MACROD2: variants seen among roughly 807,000 people sequenced by gnomAD.
MACROD2 encodes the protein mono-ADP ribosylhydrolase 2, also known as ADP-ribose glycohydrolase MACROD2.
A neutral mutation model predicts 70.4 loss-of-function variants in MACROD2; 36 were observed. That is an observed-to-expected ratio of 0.51 (90% CI 0.39 to 0.68). The LOEUF is 0.68. Among genes scored for constraint, MACROD2 ranks in the 30% least tolerant of loss-of-function variants. MACROD2 has a pLI of 0.00. For missense variants in MACROD2, 496 were observed against 538.4 expected, an observed-to-expected ratio of 0.92 and a Z score of 0.78; for synonymous variants, 172 against 178.8, an observed-to-expected ratio of 0.96 and a Z score of 0.30.
chr20:15,022,865 C>G (rs900677711), intron 5 of MACROD2: 1 of 152,100 alleles, frequency 6.6e-6, no homozygotes, highest in Non-Finnish European at 1.5e-5. Flanking sequence ...CTTGCTTTGG[C>G]AACACATATA....
At chr20:16,025,991 A>AG (rs1392276243) in intron 15 of MACROD2, among the ~76,000 whole-genome samples, 1 of 151,314 alleles carries the variant, frequency 6.6e-6, no homozygotes, top group African/African-American at 2.4e-5. Context: ...ACTAAAAAAA[A>AG]AAAAAAGAAA....
At chr20:14,898,215 T>C (rs1245273242) in intron 5 of MACROD2, among the ~76,000 whole-genome samples, 1 of 152,170 alleles carries the variant, frequency 6.6e-6, no homozygotes, top group Non-Finnish European at 1.5e-5. Context: ...TCAGGTTAGG[T>C]TCCTTTCTAG....
intron 6 of MACROD2, among the ~76,000 whole-genome samples, chr20:15,299,046 T>G (rs1219487229): frequency 6.6e-6 from 1 of 152,190 alleles, no homozygotes; most frequent in African/African-American, 2.4e-5. Flanking sequence ...GAGGCTACTA[T>G]TTTGATATTG....
At chr20:14,612,026 C>T (rs970207799) in intron 4 of MACROD2, among the ~76,000 whole-genome samples, 14 of 151,990 alleles carry the variant, frequency 9.2e-5, no homozygotes, top group African/African-American at 3.4e-4. Flanking sequence ...TCTTTTTATT[C>T]TTGCTTGCCT....
intron 2 of MACROD2, among the ~76,000 whole-genome samples, chr20:14,071,929 A>G (rs1258800331): frequency 6.6e-6 from 1 of 152,224 alleles, no homozygotes. Context: ...AAAAATCAGA[A>G]TAAGGTCATA....
intron 8 of MACROD2, among the ~76,000 whole-genome samples, chr20:15,639,658 A>G (rs958505795): frequency 6.6e-6 from 1 of 152,148 alleles, no homozygotes. Flanking sequence ...GTATCTCTCC[A>G]TCACCAATGA....
intron 8 of MACROD2, among the ~76,000 whole-genome samples, chr20:15,504,256 C>T (rs1046266748): frequency 1.3e-5 from 2 of 152,058 alleles, no homozygotes; most frequent in African/African-American, 4.8e-5. Context: ...TCCAAGGGCA[C>T]AGCATATATT....
intron 3 of MACROD2, among the ~76,000 whole-genome samples, chr20:14,289,124 C>T (rs2082366164): frequency 6.6e-6 from 1 of 152,180 alleles, no homozygotes; most frequent in African/African-American, 2.4e-5. Flanking sequence ...CAGTATTAGT[C>T]ATGGCTGACT....
intron 6 of MACROD2, among the ~76,000 whole-genome samples, chr20:15,233,938 T>C (rs550289058): frequency 9.6e-5 from 13 of 135,174 alleles, no homozygotes; most frequent in African/African-American, 3.3e-4. Flanking sequence ...TATTTAACCA[T>C]GAGTTACCCT....
chr20:15,729,585 A>G (rs2050914000), intron 8 of MACROD2, among the ~76,000 whole-genome samples: 1 of 152,148 alleles, frequency 6.6e-6, no homozygotes, highest in African/African-American at 2.4e-5. Flanking sequence ...GAGTGCATAT[A>G]TATTTAGGAT....
intron 3 of MACROD2, among the ~76,000 whole-genome samples, chr20:14,414,801 T>C (rs1342405791): frequency 6.6e-6 from 1 of 152,140 alleles, no homozygotes; most frequent in Non-Finnish European, 1.5e-5. Flanking sequence ...CCTCAGATGG[T>C]CACCTGGCTT....
At chr20:15,585,166 T>A (rs1568910873) in intron 8 of MACROD2, among the ~76,000 whole-genome samples, 1 of 151,970 alleles carries the variant, frequency 6.6e-6, no homozygotes, top group Non-Finnish European at 1.5e-5. Context: ...CACCACTATC[T>A]GTGCTGGAGG....
At chr20:15,386,516 A>T (rs1484197589) in intron 6 of MACROD2, among the ~76,000 whole-genome samples, 1 of 152,240 alleles carries the variant, frequency 6.6e-6, no homozygotes, top group Non-Finnish European at 1.5e-5. Context: ...AATGGAAGTC[A>T]CTAAAAGTAC....
At chr20:15,059,529 TA>T (rs2075515079) in intron 5 of MACROD2, among the ~76,000 whole-genome samples, 1 of 152,202 alleles carries the variant, frequency 6.6e-6, no homozygotes, top group African/African-American at 2.4e-5. Context: ...TTGCTTTCCT[TA>T]TGGGGGCAGT....
chr20:14,265,544 C>T (rs1381140143), intron 3 of MACROD2, among the ~76,000 whole-genome samples: 2 of 151,864 alleles, frequency 1.3e-5, no homozygotes, highest in Non-Finnish European at 2.9e-5. Flanking sequence ...GTTTTTTTCA[C>T]ATTTTAATAT....
intron 4 of MACROD2, among the ~76,000 whole-genome samples, chr20:14,579,430 C>T (rs954201854): frequency 2.0e-5 from 3 of 152,130 alleles, no homozygotes; most frequent in African/African-American, 7.2e-5. Context: ...CGTGAGCCAC[C>T]GCGCCCGGCC....
chr20:15,081,041 G>C (rs1190997545), intron 5 of MACROD2, among the ~76,000 whole-genome samples: 1 of 152,070 alleles, frequency 6.6e-6, no homozygotes, highest in Non-Finnish European at 1.5e-5. Flanking sequence ...GAGGCCAGGA[G>C]CTTTTTGTCT....
intron 3 of MACROD2, among the ~76,000 whole-genome samples, chr20:14,457,070 A>G (rs2084312230): frequency 6.6e-6 from 1 of 152,016 alleles, no homozygotes; most frequent in Non-Finnish European, 1.5e-5. Context: ...TACTCGCAGT[A>G]TTCTAAGACC....
chr20:15,770,093 T>TC, intron 8 of MACROD2, among the ~76,000 whole-genome samples: 1 of 97,406 alleles, frequency 1.0e-5, no homozygotes, highest in East Asian at 2.6e-4. Context: ...AATTTTCTTT[T>TC]TTTTTTTTTT....
Sources: allele counts gnomAD v4.1 joint callset (sites outside exome capture counted in the v4.1 genomes callset), GRCh38; gene constraint gnomAD v4.1.1; transcripts MANE v1.5; gene names NCBI Gene and HGNC (gene_info 2026-07-23, HGNC 2026-07-21).